The following GAB1 variants were observed in gnomAD, a reference collection of about 807,000 sequenced individuals.
GAB1 encodes the protein GRB2 associated binding protein 1, also known as GRB2-associated-binding protein 1.
GAB1 carries 19 observed loss-of-function variants against 66.5 expected under a neutral mutation model. The observed-to-expected ratio is 0.29, with a 90% CI of 0.20 to 0.42. The LOEUF is 0.42. GAB1 is among the 10% of genes least tolerant of loss of function. The probability of loss-of-function intolerance (pLI) is 1.00; values close to 1 mark genes in which losing one functional copy is unlikely to be tolerated. For missense variants in GAB1, 732 were observed against 858.5 expected, an observed-to-expected ratio of 0.85 and a Z score of 1.84; for synonymous variants, 294 against 301.4, an observed-to-expected ratio of 0.98 and a Z score of 0.25.
chr4:143,445,850 A>T (rs895314931), intron 6 of GAB1, among the ~76,000 whole-genome samples: 11 of 152,186 alleles, frequency 7.2e-5, no homozygotes, highest in African/African-American at 2.6e-4. Context: ...TGTGCAGGTT[A>T]GTTACATATG....
At chr4:143,450,886 A>G (rs1734890459) in intron 6 of GAB1, among the ~76,000 whole-genome samples, 2 of 128,214 alleles carry the variant, frequency 1.6e-5, no homozygotes, top group African/African-American at 7.5e-5. Context: ...GCAAGACTGC[A>G]TCTCAAAAAA....
At chr4:143,457,737 A>T in intron 6 of GAB1, 1 of 1,580,612 alleles carries the variant, frequency 6.3e-7, no homozygotes, top group Non-Finnish European at 8.5e-7. Flanking sequence ...ACTGATTCAC[A>T]AACCATAGGT....
intron 1 of GAB1, among the ~76,000 whole-genome samples, chr4:143,374,992 A>G (rs1730349552): frequency 6.6e-6 from 1 of 152,284 alleles, no homozygotes; most frequent in Middle Eastern, 3.4e-3. Context: ...CTGTAGCCCA[A>G]GCTTGAGTGC....
At chr4:143,400,405 A>G (rs1364734522) in intron 1 of GAB1, among the ~76,000 whole-genome samples, 1 of 152,172 alleles carries the variant, frequency 6.6e-6, no homozygotes, top group Non-Finnish European at 1.5e-5. Context: ...GAAATTCTTG[A>G]TGGCTAATGC....
At chr4:143,373,166 T>G (rs1477796091) in intron 1 of GAB1, among the ~76,000 whole-genome samples, 1 of 152,208 alleles carries the variant, frequency 6.6e-6, no homozygotes, top group Non-Finnish European at 1.5e-5. Context: ...TACATAAATA[T>G]GTTACCCAGC....
intron 1 of GAB1, among the ~76,000 whole-genome samples, chr4:143,407,063 TAAAGTC>T (rs1374678007): frequency 6.6e-6 from 1 of 152,162 alleles, no homozygotes; most frequent in African/African-American, 2.4e-5. Flanking sequence ...TAAGATGTAT[TAAAGTC>T]AAGTCCTATT....
At chr4:143,460,920 A>G (rs1158482978) in intron 8 of GAB1, among the ~76,000 whole-genome samples, 1 of 152,202 alleles carries the variant, frequency 6.6e-6, no homozygotes, top group East Asian at 1.9e-4. Context: ...TTTATGATGC[A>G]ATTCTCTAAG....
chr4:143,351,704 C>T (rs989718175), intron 1 of GAB1, among the ~76,000 whole-genome samples: 1 of 152,300 alleles, frequency 6.6e-6, no homozygotes, highest in East Asian at 1.9e-4. Flanking sequence ...CGTCCCAGCA[C>T]TTCCATAACA....
intron 6 of GAB1, among the ~76,000 whole-genome samples, chr4:143,447,212 T>C (rs1734605905): frequency 6.6e-6 from 1 of 152,154 alleles, no homozygotes; most frequent in South Asian, 2.1e-4. Context: ...GTAGTATAGT[T>C]AGAAGTCAGG....
Position 143,373,868 on chromosome 4 carries a change from A to AATAAATAAATAAATAAATAAAT in GAB1, c.72+36611_72+36612insAATAAATAAATAAATAAATATA. ...CTCTCTCTCTCTCTGTAAATAAATAAATATATATATATATATATTTTTACC... is the reference window on the plus strand; with the variant it reads ...CTCTCTCTCTCTCTGTAAATAAATAAATAAATAAATAAATAAATAAATATATATATATATATATATTTTTACC... On this transcript the variant is annotated intron_variant, in intron 1 of 9. Coordinates refer to ENST00000262994, the MANE Select transcript of GAB1 (RefSeq NM_002039.4). Among the ~76,000 whole-genome samples the AATAAATAAATAAATAAATAAAT allele has an allele frequency of 5.9e-4, 55 of 93,694 alleles. 2 individuals carry two copies. The highest frequency in any genetic ancestry group is 2.5e-3 in the African/African-American group (53 of 21,610). 61.5% of individuals were successfully genotyped at this position (93,694 alleles called of 152,430 possible).
chr4:143,360,661 C>G (rs1419990501), intron 1 of GAB1, among the ~76,000 whole-genome samples: 1 of 152,156 alleles, frequency 6.6e-6, no homozygotes, highest in Non-Finnish European at 1.5e-5. Context: ...TGATTTTTCT[C>G]AGAATCCTGA....
chr4:143,459,834 T>G (rs945940039), intron 7 of GAB1, among the ~76,000 whole-genome samples: 4 of 152,176 alleles, frequency 2.6e-5, no homozygotes, highest in Non-Finnish European at 5.9e-5. Flanking sequence ...AAACAAAAAT[T>G]TCTTGGGATT....
intron 2 of GAB1, chr4:143,424,869 C>T: frequency 4.5e-6 from 2 of 446,284 alleles, no homozygotes; most frequent in South Asian, 2.3e-5. Flanking sequence ...GCAGGAGAAT[C>T]ACTTGAACCA....
intron 3 of GAB1, 52 bp from the exon 4 acceptor site, chr4:143,437,947 T>C (rs1578714827): frequency 2.6e-6 from 4 of 1,516,598 alleles, no homozygotes; most frequent in East Asian, 2.3e-5. Context: ...TTATAAAAAA[T>C]GTATTCTTAG....
intron 6 of GAB1, among the ~76,000 whole-genome samples, chr4:143,458,751 A>G (rs1009636601): frequency 2.6e-5 from 4 of 152,214 alleles, no homozygotes; most frequent in Non-Finnish European, 4.4e-5. Context: ...TGTTGCTTAA[A>G]TTACACTAAC....
At position 143,336,896 on chromosome 4, in the gene GAB1, C is replaced by T. The variant is rs1444563472; in HGVS notation, c.-293C>T. On this transcript the variant is annotated 5_prime_UTR_variant, in exon 1 of 10. Coordinates refer to ENST00000262994, the MANE Select transcript of GAB1 (RefSeq NM_002039.4). The stretch of plus-strand genomic sequence containing the variant: ...GGGGCAGAGTCCCGCTGAGTCCGAG[C>T]GCTGCTGAGGCAGCTGGCGAGACGG... 2 of 440,778 alleles carry T rather than the reference C, an allele frequency of 4.5e-6. No individual in the cohort carries two copies. Among genetic ancestry groups the T allele is most frequent in the African/African-American group, 2.1e-5 (1 of 47,438 alleles). The allele number at this position is 440,778 out of a possible 1,614,324, so 27.3% of individuals were successfully genotyped here. A position where few individuals can be genotyped will look rare whatever the true frequency, so the allele number is the denominator to read the frequency against.
chr4:143,445,403 T>C (rs957103613), intron 6 of GAB1, among the ~76,000 whole-genome samples: 1 of 152,200 alleles, frequency 6.6e-6, no homozygotes, highest in Non-Finnish European at 1.5e-5. Context: ...TCTAGAAGTA[T>C]CAGTTCATGT....
chr4:143,403,995 G>T (rs754828709), intron 1 of GAB1, among the ~76,000 whole-genome samples: 13 of 152,186 alleles, frequency 8.5e-5, no homozygotes, highest in African/African-American at 2.9e-4. Context: ...TAACACTTCA[G>T]TGCTTTCCCT....
rs768843609 is a variant in GAB1, at chr4:143,460,415, T to G, written c.1731T>G (p.Thr577=). The G allele has an allele frequency of 3.7e-6, 6 of 1,613,602 alleles. No individual in the cohort carries two copies. Among genetic ancestry groups the G allele is most frequent in the African/African-American group, 2.7e-5 (2 of 74,904 alleles). ...SPRPDSVHST[T]SSSDSHDSEE... is the part of the protein sequence containing the mutation. ...GACCAGATTCAGTGCATAGCACAAC[T>G]TCAAGCAGTGACTCACACGACAGTG... The change falls in exon 8 of 10, where the codon ACT becomes ACG. Residue 577 remains threonine (T), a synonymous_variant. Transcript: ENST00000262994.
Sources: gnomAD v4.1 joint callset for allele counts (sites outside exome capture counted in the v4.1 genomes callset) on GRCh38, gnomAD v4.1.1 for gene constraint, MANE v1.5 for transcripts, NCBI Gene and HGNC (gene_info 2026-07-23, HGNC 2026-07-21) for gene names.